The following RIMS2 variants were observed in gnomAD, a reference collection of about 807,000 sequenced individuals.
The protein encoded by RIMS2 is regulating synaptic membrane exocytosis 2, also known as regulating synaptic membrane exocytosis protein 2.
RIMS2 carries 59 observed loss-of-function variants against 174.4 expected under a neutral mutation model. The ratio of observed to expected loss-of-function variants is 0.34; its 90% CI spans 0.27 to 0.42. RIMS2 has a LOEUF of 0.42. RIMS2 is among the 10% of genes least tolerant of loss of function. The pLI is 1.00. For missense variants in RIMS2, 1,620 were observed against 1,666.3 expected (o/e 0.97, Z 0.48); for synonymous variants, 606 against 572.5 (o/e 1.06, Z -0.84).
intron 19 of RIMS2, among the ~76,000 whole-genome samples, chr8:104,075,266 A>G (rs568282596): frequency 2.7e-4 from 41 of 152,208 alleles, no homozygotes; most frequent in Non-Finnish European, 4.7e-4. Context: ...TAAATAGAAC[A>G]AGAGGATTCT....
chr8:104,033,699 G>GT (rs1168793285), intron 19 of RIMS2, among the ~76,000 whole-genome samples: 1 of 151,224 alleles, frequency 6.6e-6, no homozygotes, highest in East Asian at 1.9e-4. Flanking sequence ...AATGTCATGA[G>GT]TAAGTATGCA....
At chr8:103,567,762 T>C (rs985985463) in intron 1 of RIMS2, among the ~76,000 whole-genome samples, 3 of 152,310 alleles carry the variant, frequency 2.0e-5, no homozygotes, top group Admixed American at 6.5e-5. Flanking sequence ...GGTTGCACTA[T>C]TTTACATTCC....
intron 19 of RIMS2, among the ~76,000 whole-genome samples, chr8:104,055,526 A>ATTGTTTTGTATTGTATTGTAT (rs2096854309): frequency 6.6e-6 from 1 of 152,152 alleles, no homozygotes; most frequent in African/African-American, 2.4e-5. Flanking sequence ...CAATTATTGT[A>ATTGTTTTGTATTGTATTGTAT]CCTTTTCTTA....
intron 3 of RIMS2, among the ~76,000 whole-genome samples, chr8:103,767,480 C>T (rs375233799): frequency 3.9e-5 from 6 of 152,116 alleles, no homozygotes; most frequent in African/African-American, 1.2e-4. Flanking sequence ...CCACCGTGCC[C>T]GGCCTATTTT....
intron 17 of RIMS2, chr8:103,998,054 A>G: frequency 1.6e-6 from 1 of 627,372 alleles, no homozygotes; most frequent in Non-Finnish European, 2.7e-6. Context: ...CAAGCTTTCC[A>G]ATAACAGTTT....
At chr8:104,174,958 C>A (rs1311541392) in intron 19 of RIMS2, among the ~76,000 whole-genome samples, 1 of 152,158 alleles carries the variant, frequency 6.6e-6, no homozygotes, top group Non-Finnish European at 1.5e-5. Context: ...TAAGTACTCT[C>A]TACAAGTATT....
At chr8:103,555,671 C>G (rs1266269095) in intron 1 of RIMS2, among the ~76,000 whole-genome samples, 1 of 151,844 alleles carries the variant, frequency 6.6e-6, no homozygotes, top group African/African-American at 2.4e-5. Context: ...GTGGTTAATG[C>G]TGGTAATCCC....
chr8:103,836,625 T>C (rs947553141), intron 3 of RIMS2, among the ~76,000 whole-genome samples: 1 of 152,198 alleles, frequency 6.6e-6, no homozygotes, highest in Non-Finnish European at 1.5e-5. Context: ...GCAGTAAGTT[T>C]CTCAACAATA....
intron 5 of RIMS2, among the ~76,000 whole-genome samples, chr8:103,911,021 T>G (rs1385149686): frequency 2.0e-5 from 3 of 152,204 alleles, no homozygotes; most frequent in Non-Finnish European, 2.9e-5. Context: ...TTTGTTTTAT[T>G]GTCATAGCAT....
intron 1 of RIMS2, among the ~76,000 whole-genome samples, chr8:103,535,086 T>C (rs1196544959): frequency 6.6e-6 from 1 of 152,222 alleles, no homozygotes; most frequent in Non-Finnish European, 1.5e-5. Flanking sequence ...GAATATAAAT[T>C]GTTATTTACG....
At chr8:103,554,371 G>C (rs143552318) in intron 1 of RIMS2, among the ~76,000 whole-genome samples, 2 of 152,150 alleles carry the variant, frequency 1.3e-5, no homozygotes, top group South Asian at 4.1e-4. Context: ...CCATTAAAAA[G>C]TGGGCAAAGG....
chr8:104,237,243 C>T (rs2099263396), intron 19 of RIMS2, among the ~76,000 whole-genome samples: 1 of 152,082 alleles, frequency 6.6e-6, no homozygotes, highest in South Asian at 2.1e-4. Context: ...AAATTTAAAA[C>T]TTTATTTACA....
At chr8:103,762,880 A>G (rs1010034291) in intron 2 of RIMS2, among the ~76,000 whole-genome samples, 1 of 152,222 alleles carries the variant, frequency 6.6e-6, no homozygotes, top group African/African-American at 2.4e-5. Context: ...TGTAGGCAGT[A>G]GTAACATAAT....
intron 19 of RIMS2, among the ~76,000 whole-genome samples, chr8:104,142,138 C>G (rs370776001): frequency 4.2e-5 from 3 of 71,470 alleles, no homozygotes; most frequent in Non-Finnish European, 8.9e-5. Flanking sequence ...TTTTTTTTTT[C>G]TTTTTGCGAC....
At chr8:103,509,774 C>A (rs1825557119) in intron 1 of RIMS2, among the ~76,000 whole-genome samples, 1 of 151,824 alleles carries the variant, frequency 6.6e-6, no homozygotes, top group Non-Finnish European at 1.5e-5. Flanking sequence ...TACGGGTAAC[C>A]TACAAAATTG....
intron 19 of RIMS2, chr8:104,015,360 C>A (rs1347356137): frequency 3.1e-6 from 2 of 649,376 alleles, no homozygotes; most frequent in Non-Finnish European, 5.5e-6. Flanking sequence ...AACCCCTGTG[C>A]TTTGGTTCCC....
At chr8:103,740,973 T>G (rs1373336551) in intron 2 of RIMS2, among the ~76,000 whole-genome samples, 1 of 152,120 alleles carries the variant, frequency 6.6e-6, no homozygotes, top group Non-Finnish European at 1.5e-5. Context: ...AACCTTTTTA[T>G]ATTTTTTCAA....
chr8:103,528,314 G>A (rs1835120067), intron 1 of RIMS2, among the ~76,000 whole-genome samples: 1 of 151,054 alleles, frequency 6.6e-6, no homozygotes, highest in Admixed American at 6.6e-5. Flanking sequence ...TCAGTAGATT[G>A]CAAAAATTTT....
rs562813719 is a variant in RIMS2, at chr8:104,213,055, C to T, written c.3335-31861C>T. ...AGTCTTCTTCGGCTGGGTGCGGTGG[C>T]TCAACCCTGTAATCCCAGCACTTTG... On this transcript the variant is annotated intron_variant, in intron 19 of 23. Coordinates refer to ENST00000504942, the Ensembl canonical transcript of RIMS2. Among the ~76,000 whole-genome samples, 4 of 152,274 alleles carry T rather than the reference C, an allele frequency of 2.6e-5. No individual in the cohort carries two copies. In the South Asian group the frequency reaches 6.2e-4, roughly 24 times the overall value.
Sources: gnomAD v4.1 joint callset for allele counts (sites outside exome capture counted in the v4.1 genomes callset) on GRCh38, gnomAD v4.1.1 for gene constraint, MANE v1.5 for transcripts, NCBI Gene and HGNC (gene_info 2026-07-23, HGNC 2026-07-21) for gene names.